The following KRT20 variants were observed in gnomAD, a reference collection of about 807,000 sequenced individuals.
KRT20 encodes the protein keratin, type I cytoskeletal 20.
A neutral mutation model predicts 43.0 loss-of-function variants in KRT20; 41 were observed. The ratio of observed to expected loss-of-function variants is 0.95; its 90% CI spans 0.74 to 1.24. KRT20 has a LOEUF of 1.24. KRT20 is among the 50% of genes most tolerant of loss of function. KRT20 has a pLI of 0.00. For synonymous variants in KRT20, 207 were observed against 200.6 expected, an observed-to-expected ratio of 1.03 and a Z score of -0.27; for missense variants, 533 against 521.2, an observed-to-expected ratio of 1.02 and a Z score of -0.22.
chr17:40,878,716 A>G (rs1435275202), intron 5 of KRT20, among the ~76,000 whole-genome samples: 1 of 152,188 alleles, frequency 6.6e-6, no homozygotes, highest in African/African-American at 2.4e-5. Context: ...TTGCAGGATT[A>G]GATTCCTTTA....
At chr17:40,880,568 A>C in intron 3 of KRT20, 46 bp downstream of exon 3, 1 of 1,544,542 alleles carries the variant, frequency 6.5e-7, no homozygotes, top group Non-Finnish European at 8.9e-7. Flanking sequence ...AGTATTATAT[A>C]GAACCATTCC....
In KRT20 at chr17:40,882,648, C is replaced by G; in HGVS notation, c.397G>C (p.Asp133His). 6.7e-7 allele frequency: 1 copy of G among 1,486,214 alleles called. No individual in the cohort carries two copies. Among genetic ancestry groups the G allele is most frequent in the Non-Finnish European group, 9.0e-7 (1 of 1,108,562 alleles). 92.1% of individuals were successfully genotyped at this position (1,486,214 alleles called of 1,614,324 possible). ...QIEELRSQIK[D>H]AQLQNARCVL... ...CACCGAGCATTTTGCAGTTGAGCAT[C>G]CTTAATCTGGAAAATACATGAGAAA... is the stretch of plus-strand genomic sequence containing the variant. Residue 133 changes from aspartate to histidine, a missense_variant, in exon 2 of 8, where the codon GAT becomes CAT. Asp to His is a moderately conservative substitution (Grantham distance 81, BLOSUM62 -1). Coordinates refer to ENST00000167588, the MANE Select transcript of KRT20 (RefSeq NM_019010.3).
At chr17:40,882,497 G>T in intron 2 of KRT20, 75 bp downstream of exon 2, 1 of 660,370 alleles carries the variant, frequency 1.5e-6, no homozygotes, top group South Asian at 2.5e-5. Flanking sequence ...ACAATGATAT[G>T]GAAAGCTGAG....
In KRT20 at chr17:40,880,245, T is replaced by C; in HGVS notation, c.647A>G (p.His216Arg). 1 of 1,602,402 alleles carries C rather than the reference T, an allele frequency of 6.2e-7. No individual in the cohort carries two copies. Among genetic ancestry groups the C allele is most frequent in the African/African-American group, 1.3e-5 (1 of 74,432 alleles). Residue 216 changes from histidine (H) to arginine (R), a missense_variant, in exon 4 of 8, where the codon CAC (histidine) becomes CGC (arginine). His to Arg is a conservative substitution (Grantham distance 29). Transcript: ENST00000167588. ...KEHQEEVDGL[H>R]KHLGNTVNVE... ...ATTGACAGTGTTGCCCAGATGCTTG[T>C]GTAGGCCATCGACTTCCTATGAAAG...
chr17:40,880,016 G>T (rs1459406287), intron 4 of KRT20, 78 bp from the exon 5 acceptor site: 1 of 1,594,454 alleles, frequency 6.3e-7, no homozygotes, highest in Non-Finnish European at 8.6e-7. Context: ...AAGGAAGAAT[G>T]AACAAATGAA....
chr17:40,883,999 G>A (rs1216509652), intron 1 of KRT20, among the ~76,000 whole-genome samples: 2 of 152,170 alleles, frequency 1.3e-5, no homozygotes, highest in African/African-American at 4.8e-5. Context: ...AAATTACAGT[G>A]AACACTTTTC....
chr17:40,882,507 G>A, intron 2 of KRT20, 65 bp downstream of exon 2: 1 of 763,064 alleles, frequency 1.3e-6, no homozygotes, highest in South Asian at 1.9e-5. Flanking sequence ...GGAAAGCTGA[G>A]TATCTGGAAG....
chr17:40,880,364 TA>T, intron 3 of KRT20, 103 bp from the exon 4 acceptor site: 1 of 1,121,430 alleles, frequency 8.9e-7, no homozygotes, highest in Non-Finnish European at 1.3e-6. Context: ...TCATTGGGAA[TA>T]AGTAAAAAAG....
At chr17:40,877,233 A>G (rs1907389381) in intron 7 of KRT20, 147 bp downstream of exon 7, 4 of 625,004 alleles carry the variant, frequency 6.4e-6, no homozygotes, top group Non-Finnish European at 1.1e-5. Context: ...GTAAACGTCT[A>G]TTGTTTGTAA....
chr17:40,884,609 G>T (rs933829745), intron 1 of KRT20, among the ~76,000 whole-genome samples, 187 bp downstream of exon 1: 1 of 152,188 alleles, frequency 6.6e-6, no homozygotes, highest in African/African-American at 2.4e-5. Context: ...AAAATAGCAT[G>T]ATTTAAGGTC....
rs938863038 is a variant in KRT20, at chr17:40,885,226, T to C, written c.-41A>G. The C allele has an allele frequency of 2.0e-6, 3 of 1,531,062 alleles. No homozygotes were observed. Among genetic ancestry groups the C allele is most frequent in the Non-Finnish European group, 2.6e-6 (3 of 1,142,714 alleles). 94.8% of individuals were successfully genotyped at this position (1,531,062 alleles called of 1,614,324 possible). On this transcript the variant is annotated 5_prime_UTR_variant, in exon 1 of 8. Transcript: ENST00000167588. ...GGAGCACCTGTAGCTTCAGGATGGT[T>C]GGGGCAGAGTGTGTCTCATGGAGGG...
chr17:40,879,970 G>C (rs777664152), intron 4 of KRT20, 32 bp from the exon 5 acceptor site: 13 of 1,605,302 alleles, frequency 8.1e-6, no homozygotes, highest in Admixed American at 3.4e-5. Context: ...AAAAATAGTT[G>C]AGGGGTGGAA....
chr17:40,879,939 C>A lies in KRT20; in HGVS notation c.793-1G>T. The A allele has an allele frequency of 1.9e-6, 3 of 1,613,048 alleles. No homozygotes were observed. The highest frequency in any genetic ancestry group is 1.1e-5 in the South Asian group (1 of 91,004). ...TGACCTGTTGCTGCAGAACTGCAGT[C>A]TACAGTGCCAAGAGTGAAAAAAAAA... On this transcript the variant is annotated splice_acceptor_variant, in intron 4 of 7. Transcript: ENST00000167588. LOFTEE classifies it high-confidence loss of function.
At chr17:40,879,706 C>A in intron 5 of KRT20, 107 bp downstream of exon 5, 3 of 1,275,692 alleles carry the variant, frequency 2.4e-6, no homozygotes, top group Admixed American at 2.1e-5. Flanking sequence ...GCCAGTTCTG[C>A]AAGGGGAAGG....
chr17:40,882,471 C>T lies in KRT20; in HGVS notation c.473+101G>A, dbSNP rs953307488. On this transcript the variant is annotated intron_variant, in intron 2 of 7. Transcript: ENST00000167588. ...GGCTTCAGGATTCTGGACATTGAAC[C>T]GTGCTTCCTTTATCAACAATGATAT... is the stretch of plus-strand genomic sequence containing the variant. 5.6e-5 allele frequency: 27 copies of T among 481,646 alleles called. 1 individual carries two copies. The highest frequency in any genetic ancestry group is 6.7e-4 in the Middle Eastern group (2 of 3,000). 29.8% of individuals were successfully genotyped at this position (481,646 alleles called of 1,614,324 possible).
intron 6 of KRT20, 125 bp downstream of exon 6, chr17:40,878,020 G>A: frequency 2.5e-6 from 2 of 805,988 alleles, no homozygotes; most frequent in Non-Finnish European, 4.1e-6. Context: ...TCGTGGTGAG[G>A]CATGTGTGAG....
chr17:40,878,040 T>C, intron 6 of KRT20, 105 bp downstream of exon 6: 1 of 980,474 alleles, frequency 1.0e-6, no homozygotes, highest in Non-Finnish European at 1.6e-6. Flanking sequence ...GTATAATTGC[T>C]TCTGTCCTAG....
rs759747025 is a variant in KRT20, at chr17:40,884,935, T to C, written c.251A>G (p.Tyr84Cys). 1 of 1,614,214 alleles carries C rather than the reference T, an allele frequency of 6.2e-7. No individual in the cohort carries two copies. Among genetic ancestry groups the C allele is most frequent in the Non-Finnish European group, 8.5e-7 (1 of 1,180,036 alleles). Residue 84 changes from tyrosine (Y) to cysteine (C), a missense_variant, in exon 1 of 8, where the codon TAC (tyrosine) becomes TGC (cysteine). Transcript: ENST00000167588. ...CTCCAGGGTCCGCACCTTTTCTAGG[T>C]AGCTCGCTAGACGGTCATTTAGGTT... is the stretch of plus-strand genomic sequence containing the variant. ...MQNLNDRLAS[Y>C]LEKVRTLEQS...
chr17:40,881,227 CTGTGTGTGTGTG>C (rs34632722), intron 2 of KRT20, among the ~76,000 whole-genome samples: 3 of 145,648 alleles, frequency 2.1e-5, no homozygotes, highest in Admixed American at 2.0e-4. Context: ...TACATACACA[CTGTGTGTGTGTG>C]TGTGTGTGTG....
Sources: gnomAD v4.1 joint callset for allele counts (sites outside exome capture counted in the v4.1 genomes callset) on GRCh38, gnomAD v4.1.1 for gene constraint, MANE v1.5 for transcripts, NCBI Gene and HGNC (gene_info 2026-07-23, HGNC 2026-07-21) for gene names.